CACNA1I: variants seen among roughly 807,000 people sequenced by gnomAD.
CACNA1I encodes the protein calcium voltage-gated channel subunit alpha1 I, also known as voltage-dependent T-type calcium channel subunit alpha-1I.
A neutral mutation model predicts 201.6 loss-of-function variants in CACNA1I; 74 were observed. The observed-to-expected ratio is 0.37, with a 90% CI of 0.30 to 0.45. The LOEUF (loss-of-function observed/expected upper bound fraction) is 0.45. Ranked by LOEUF, CACNA1I falls within the 20% of genes least tolerant of loss-of-function variation. The pLI is 1.00. For synonymous variants in CACNA1I, 1,431 were observed against 1,345.2 expected (o/e 1.06, Z -1.40); for missense variants, 2,346 against 3,138.1 (o/e 0.75, Z 6.03).
At chr22:39,573,221 C>A (rs1165410761) in intron 1 of CACNA1I, among the ~76,000 whole-genome samples, 1 of 152,100 alleles carries the variant, frequency 6.6e-6, no homozygotes, top group East Asian at 1.9e-4. Context: ...GTCTCAGGGG[C>A]CTTTCCTGGG....
chr22:39,600,371 G>A, intron 2 of CACNA1I, 149 bp from the exon 3 acceptor site: 1 of 629,072 alleles, frequency 1.6e-6, no homozygotes. Context: ...GGATCACTGA[G>A]GTTCTCCTCC....
At chr22:39,588,648 G>A (rs544877759) in intron 1 of CACNA1I, among the ~76,000 whole-genome samples, 2 of 152,220 alleles carry the variant, frequency 1.3e-5, no homozygotes, top group East Asian at 1.9e-4. Flanking sequence ...GCCTCCCAAA[G>A]TGCTGGGATT....
rs534821265 is a variant in CACNA1I, at chr22:39,683,388, G to A, written c.5830+727G>A. Among the ~76,000 whole-genome samples, 4 of 152,276 alleles carry A rather than the reference G, an allele frequency of 2.6e-5. No individual in the cohort carries two copies. The South Asian group carries it at 8.3e-4, about 32-fold the overall frequency. On this transcript the variant is annotated intron_variant, in intron 35 of 36. Transcript: ENST00000402142. ...ACGCCTCCCAGGAGCCAGGGGTGGG[G>A]TGACTTTCCTGGGCACCCTCCTGAG...
At chr22:39,580,828 A>G (rs2145804478) in intron 1 of CACNA1I, among the ~76,000 whole-genome samples, 1 of 152,340 alleles carries the variant, frequency 6.6e-6, no homozygotes, top group South Asian at 2.1e-4. Flanking sequence ...ACCAGGTAAG[A>G]GGCCCCTACA....
chr22:39,634,528 C>T (rs961067259), intron 4 of CACNA1I, 37 bp from the exon 5 acceptor site: 2 of 1,611,224 alleles, frequency 1.2e-6, no homozygotes, highest in Admixed American at 3.3e-5. Flanking sequence ...GACCTCTGCT[C>T]CCTGTCTGAC....
chr22:39,680,745 C>T (rs560424021), intron 33 of CACNA1I, among the ~76,000 whole-genome samples, 185 bp from the exon 34 acceptor site: 45 of 152,288 alleles, frequency 3.0e-4, no homozygotes, highest in African/African-American at 9.9e-4. Flanking sequence ...GTGTCACCAT[C>T]GCATGTCACC....
At chr22:39,592,258 C>T (rs571976862) in intron 1 of CACNA1I, among the ~76,000 whole-genome samples, 11 of 152,344 alleles carry the variant, frequency 7.2e-5, no homozygotes, top group African/African-American at 1.9e-4. Context: ...CAGGGCTGCC[C>T]GTCAGGGATC....
chr22:39,632,635 C>T (rs1439550253), intron 4 of CACNA1I, among the ~76,000 whole-genome samples: 2 of 152,168 alleles, frequency 1.3e-5, no homozygotes, highest in African/African-American at 4.8e-5. Flanking sequence ...TCTTTGGATT[C>T]CCCATGTGCC....
At chr22:39,598,302 C>T (rs1289692750) in intron 2 of CACNA1I, 40 bp downstream of exon 2, 26 of 1,140,424 alleles carry the variant, frequency 2.3e-5, no homozygotes, top group Non-Finnish European at 3.1e-5. Flanking sequence ...CTGCCCTCAT[C>T]CTCCAGGACC....
chr22:39,651,617 C>T (rs544484895), intron 10 of CACNA1I, among the ~76,000 whole-genome samples: 6 of 152,262 alleles, frequency 3.9e-5, no homozygotes, highest in African/African-American at 9.6e-5. Flanking sequence ...CTGTGGGGCT[C>T]GCTCCAGTCT....
At chr22:39,578,266 C>T (rs73885277) in intron 1 of CACNA1I, among the ~76,000 whole-genome samples, 2,192 of 152,082 alleles carry the variant, frequency 0.014, 56 homozygotes, top group African/African-American at 0.05. Flanking sequence ...CTGAGCAGGC[C>T]ACCTCTCAGT....
rs1935567957 is a variant in CACNA1I, at chr22:39,677,972, CCT to C, written c.4934-13_4934-12del. On this transcript the variant is annotated splice_polypyrimidine_tract_variant and intron_variant, in intron 30 of 36. Coordinates refer to ENST00000402142, the MANE Select transcript of CACNA1I (RefSeq NM_021096.4). The surrounding 1 kb of genome is among the most constrained non-coding windows in gnomAD (Gnocchi z 4.8). ...CTCCGCCATCGGGCAGGGCTGACCTCCTCCCCGCTTCCAGTCTGCAACGACGA... is the reference window on the plus strand; with the variant it reads ...CTCCGCCATCGGGCAGGGCTGACCTCCCCCGCTTCCAGTCTGCAACGACGA... The C allele has an allele frequency of 6.3e-7, 1 of 1,576,560 alleles. No individual in the cohort carries two copies. The highest frequency in any genetic ancestry group is 8.6e-7 in the Non-Finnish European group (1 of 1,162,138).
chr22:39,615,198 C>G (rs1490629646), intron 3 of CACNA1I, among the ~76,000 whole-genome samples: 1 of 152,122 alleles, frequency 6.6e-6, no homozygotes, highest in Non-Finnish European at 1.5e-5. Context: ...TGGCCCTCAG[C>G]AAAAATTGAG....
intron 35 of CACNA1I, 142 bp downstream of exon 35, chr22:39,682,803 A>G: frequency 1.5e-6 from 1 of 666,892 alleles, no homozygotes; most frequent in Non-Finnish European, 2.5e-6. Context: ...ATATCTGACA[A>G]TGAGAGATAG....
At chr22:39,608,200 T>A (rs1240934345) in intron 3 of CACNA1I, among the ~76,000 whole-genome samples, 5 of 151,572 alleles carry the variant, frequency 3.3e-5, no homozygotes, top group African/African-American at 1.2e-4. Context: ...CCCAGCTGTT[T>A]GGGCGGCAGG....
At chr22:39,584,840 C>T (rs1391930732) in intron 1 of CACNA1I, among the ~76,000 whole-genome samples, 4 of 152,220 alleles carry the variant, frequency 2.6e-5, no homozygotes, top group African/African-American at 9.6e-5. Context: ...ATAGCAATCA[C>T]CAATATTTCC....
At chr22:39,606,842 C>T (rs1221347057) in intron 3 of CACNA1I, among the ~76,000 whole-genome samples, 1 of 152,250 alleles carries the variant, frequency 6.6e-6, no homozygotes, top group Non-Finnish European at 1.5e-5. Flanking sequence ...AATCCCAACT[C>T]TTTGTCTTAT....
chr22:39,680,913 AC>A lies in CACNA1I; in HGVS notation c.5542-12del. 6.2e-7 allele frequency: 1 copy of A among 1,603,548 alleles called. No individual in the cohort carries two copies. On this transcript the variant is annotated splice_polypyrimidine_tract_variant and intron_variant, in intron 33 of 36. Transcript: ENST00000402142. ...TCCCAAACCTGGGTGACCCGAGGCC[AC>A]CCCCTCTTCCTGCAGGTGCAGCTGG...
In CACNA1I at chr22:39,571,890, C is replaced by T. The variant is rs188634436; in HGVS notation, c.236+902C>T. Among the ~76,000 whole-genome samples, 14 of 152,346 alleles carry T rather than the reference C, an allele frequency of 9.2e-5. No individual in the cohort carries two copies. The East Asian group carries it at 1.7e-3, about 19-fold the overall frequency. On this transcript the variant is annotated intron_variant, in intron 1 of 36. Transcript: ENST00000402142. ...GCACCTGGCACAGTGCTTGGCACAT[C>T]GTGGGTGCTCTGGCAGTGTTTGCTG...
Sources: allele counts gnomAD v4.1 joint callset (sites outside exome capture counted in the v4.1 genomes callset), GRCh38; gene constraint gnomAD v4.1.1; non-coding constraint Gnocchi (gnomAD v3.1); transcripts MANE v1.5; gene names NCBI Gene and HGNC (gene_info 2026-07-23, HGNC 2026-07-21).